The following ZNF420 variants were observed in gnomAD, a reference collection of about 807,000 sequenced individuals.
The protein encoded by ZNF420 is ATM and p53-associated KZNF protein.
A neutral mutation model predicts 44.7 loss-of-function variants in ZNF420; 31 were observed. That is an observed-to-expected ratio of 0.69 (90% CI 0.52 to 0.94). ZNF420 has a LOEUF of 0.94. Among genes scored for constraint, ZNF420 ranks in the 40% least tolerant of loss-of-function variants. ZNF420 has a pLI of 0.00. For missense variants in ZNF420, 681 were observed against 827.9 expected, an observed-to-expected ratio of 0.82 and a Z score of 2.18; for synonymous variants, 245 against 267.4, an observed-to-expected ratio of 0.92 and a Z score of 0.82.
At chr19:37,095,200 G>T (rs1309105778) in intron 4 of ZNF420, among the ~76,000 whole-genome samples, 1 of 151,342 alleles carries the variant, frequency 6.6e-6, no homozygotes, top group African/African-American at 2.4e-5. Flanking sequence ...TTCTGCCATT[G>T]CCGGTGAATT....
rs139428872 is a variant in ZNF420 at position 37,122,590 on chromosome 19, G to A, written c.137-4538G>A. The stretch of plus-strand genomic sequence containing the variant: ...TAACAAACCTGCACATTGTGCATAT[G>A]TACCCTAAAACTTAAAGTATAATTT... On this transcript the variant is annotated intron_variant, in intron 4 of 4. Coordinates refer to ENST00000337995, the MANE Select transcript of ZNF420 (RefSeq NM_144689.5). Among the ~76,000 whole-genome samples the A allele has an allele frequency of 2.0e-5, 3 of 152,026 alleles. No homozygotes were observed. The East Asian group carries it at 5.8e-4, about 29-fold the overall frequency.
At chr19:37,053,053 G>C (rs1015572101) in intron 1 of ZNF420, among the ~76,000 whole-genome samples, 4 of 152,136 alleles carry the variant, frequency 2.6e-5, no homozygotes, top group African/African-American at 4.8e-5. Flanking sequence ...TGGAGGCTTT[G>C]TTCATTTCTT....
chr19:37,028,850 A>T (rs1401296897), intron 1 of ZNF420, among the ~76,000 whole-genome samples: 1 of 152,224 alleles, frequency 6.6e-6, no homozygotes, highest in African/African-American at 2.4e-5. Context: ...CTATGTGGCC[A>T]GGTCAGATAA....
chr19:37,117,534 A>C (rs894225408), intron 4 of ZNF420, among the ~76,000 whole-genome samples: 1 of 152,198 alleles, frequency 6.6e-6, no homozygotes, highest in Non-Finnish European at 1.5e-5. Context: ...AACAGAGCAG[A>C]AAAACTGGAA....
At chr19:37,048,061 T>G (rs1967572308) in intron 1 of ZNF420, among the ~76,000 whole-genome samples, 1 of 152,200 alleles carries the variant, frequency 6.6e-6, no homozygotes, top group Admixed American at 6.5e-5. Flanking sequence ...GCTTTGATTT[T>G]TTTAAAACCT....
chr19:37,031,204 G>A (rs1313845938), intron 1 of ZNF420, among the ~76,000 whole-genome samples: 1 of 152,160 alleles, frequency 6.6e-6, no homozygotes, highest in African/African-American at 2.4e-5. Context: ...GGAAAAACAT[G>A]ACTTCATAAT....
chr19:37,013,418 C>T (rs547645655), intron 1 of ZNF420, among the ~76,000 whole-genome samples: 5 of 152,296 alleles, frequency 3.3e-5, no homozygotes, highest in East Asian at 3.9e-4. Context: ...ACAATCACTC[C>T]GTGGCAGTGC....
intron 1 of ZNF420, among the ~76,000 whole-genome samples, chr19:37,025,515 C>T (rs759874147): frequency 6.6e-6 from 1 of 151,814 alleles, no homozygotes; most frequent in Non-Finnish European, 1.5e-5. Context: ...TAATAGCAGA[C>T]TAATGGACAG....
At chr19:37,127,048 T>C (rs1568480499) in intron 4 of ZNF420, 80 bp from the exon 5 acceptor site, 5 of 1,227,898 alleles carry the variant, frequency 4.1e-6, no homozygotes, top group Admixed American at 6.5e-5. Flanking sequence ...TGTTATTTCT[T>C]ATGGGCATTA....
At chr19:37,093,470 C>G (rs933271184) in intron 4 of ZNF420, among the ~76,000 whole-genome samples, 4 of 152,146 alleles carry the variant, frequency 2.6e-5, no homozygotes, top group African/African-American at 4.8e-5. Flanking sequence ...ATCCGCCCAC[C>G]TCCCTCCCAA....
intron 1 of ZNF420, among the ~76,000 whole-genome samples, chr19:37,057,527 T>A (rs1967781745): frequency 6.6e-6 from 1 of 152,154 alleles, no homozygotes; most frequent in Non-Finnish European, 1.5e-5. Flanking sequence ...TGTGTGCCAG[T>A]GTGGGTGTGT....
intron 1 of ZNF420, among the ~76,000 whole-genome samples, chr19:37,032,810 GCA>G (rs1967288119): frequency 6.6e-6 from 1 of 152,138 alleles, no homozygotes; most frequent in African/African-American, 2.4e-5. Flanking sequence ...ACATAAAACT[GCA>G]CAGAGATTGG....
chr19:37,066,066 T>G (rs1967961622), intron 1 of ZNF420, among the ~76,000 whole-genome samples: 1 of 152,140 alleles, frequency 6.6e-6, no homozygotes, highest in Non-Finnish European at 1.5e-5. Context: ...AAAGCAAAAC[T>G]GCAAAAGAAA....
At chr19:37,072,876 T>A (rs1017050454) in intron 1 of ZNF420, among the ~76,000 whole-genome samples, 9 of 152,226 alleles carry the variant, frequency 5.9e-5, no homozygotes, top group Admixed American at 5.2e-4. Context: ...ATTATGAACA[T>A]TTAAAAGGTA....
chr19:37,069,090 T>C (rs1355534833), intron 1 of ZNF420, among the ~76,000 whole-genome samples: 1 of 152,194 alleles, frequency 6.6e-6, no homozygotes, highest in South Asian at 2.1e-4. Flanking sequence ...TACAACTTTA[T>C]TTAATGGCTA....
chr19:37,082,403 G>A (rs1262738367), intron 2 of ZNF420, among the ~76,000 whole-genome samples: 1 of 152,182 alleles, frequency 6.6e-6, no homozygotes, highest in East Asian at 1.9e-4. Flanking sequence ...GAACTCAGGT[G>A]ATCTGCCTGC....
intron 1 of ZNF420, among the ~76,000 whole-genome samples, chr19:37,008,406 C>A (rs940180831): frequency 1.3e-5 from 2 of 152,194 alleles, no homozygotes; most frequent in African/African-American, 4.8e-5. Flanking sequence ...GAGCCTCTTT[C>A]TGCATCTCTG....
intron 4 of ZNF420, among the ~76,000 whole-genome samples, chr19:37,093,754 C>T (rs897891074): frequency 1.3e-5 from 2 of 152,144 alleles, no homozygotes; most frequent in Non-Finnish European, 2.9e-5. Context: ...GAAACGTCCT[C>T]AATAGGGAAA....
intron 1 of ZNF420, among the ~76,000 whole-genome samples, chr19:37,048,971 GT>G (rs570189969): frequency 0.013 from 1,980 of 150,614 alleles, 46 homozygotes; most frequent in African/African-American, 0.045. Context: ...GTGGTGTTTG[GT>G]TTTTTGTCCT....
Sources: gnomAD v4.1 joint callset for allele counts (sites outside exome capture counted in the v4.1 genomes callset) on GRCh38, gnomAD v4.1.1 for gene constraint, MANE v1.5 for transcripts, NCBI Gene and HGNC (gene_info 2026-07-23, HGNC 2026-07-21) for gene names.